The following SVOP variants were observed in gnomAD, a reference collection of about 807,000 sequenced individuals.
SVOP encodes the protein SV2 related protein.
Under a neutral mutation model 69.1 loss-of-function variants are expected in SVOP, and 17 were observed. That is an observed-to-expected ratio of 0.25 (90% CI 0.17 to 0.37). SVOP has a LOEUF of 0.37. Among genes scored for constraint, SVOP ranks in the 10% least tolerant of loss-of-function variants. The pLI is 1.00. For synonymous variants in SVOP, 238 were observed against 238.6 expected (o/e 1.00, Z 0.02); for missense variants, 435 against 597.5 (o/e 0.73, Z 2.84).
Position 108,971,591 on chromosome 12 carries a change from C to T in SVOP, c.453+814G>A, listed in dbSNP as rs141092283. On this transcript the variant is annotated intron_variant, in intron 5 of 15. Transcript: ENST00000610966. ...ATCCATTTCATATCATGTCTGAGCT[C>T]TCCCAAAAGCTGGCTCTAAGATAAG... Among the ~76,000 whole-genome samples the T allele has an allele frequency of 1.1e-3, 160 of 152,216 alleles. 1 individual carries two copies. Among genetic ancestry groups the T allele is most frequent in the African/African-American group, 3.5e-3 (146 of 41,522 alleles).
chr12:108,914,554 C>A (rs1283715883), intron 15 of SVOP, among the ~76,000 whole-genome samples: 1 of 152,038 alleles, frequency 6.6e-6, no homozygotes, highest in Non-Finnish European at 1.5e-5. Context: ...ATTTTGTCGG[C>A]ATACTTGTTT....
At chr12:108,962,392 C>T (rs2040022840) in intron 5 of SVOP, among the ~76,000 whole-genome samples, 2 of 152,162 alleles carry the variant, frequency 1.3e-5, no homozygotes, top group South Asian at 4.1e-4. Flanking sequence ...AGCCAACACG[C>T]CTGGCTGATT....
At chr12:108,957,671 A>G (rs1465955544) in intron 6 of SVOP, among the ~76,000 whole-genome samples, 1 of 152,202 alleles carries the variant, frequency 6.6e-6, no homozygotes, top group African/African-American at 2.4e-5. Context: ...TCTCCTGCTC[A>G]ATTTTGGTGT....
At chr12:108,945,829 CA>C (rs1298250132) in intron 6 of SVOP, among the ~76,000 whole-genome samples, 1 of 152,194 alleles carries the variant, frequency 6.6e-6, no homozygotes, top group Non-Finnish European at 1.5e-5. Flanking sequence ...CACACAATGT[CA>C]ATCTGTCCCA....
intron 1 of SVOP, among the ~76,000 whole-genome samples, chr12:109,001,593 A>G (rs1437911571): frequency 1.6e-3 from 228 of 142,298 alleles, no homozygotes; most frequent in Middle Eastern, 7.2e-3. Context: ...ACAGCATGGT[A>G]CTGGTACCAA....
At chr12:109,012,773 T>TA (rs2040349319) in intron 1 of SVOP, among the ~76,000 whole-genome samples, 1 of 151,914 alleles carries the variant, frequency 6.6e-6, no homozygotes, top group South Asian at 2.1e-4. Flanking sequence ...ACCAAAAATA[T>TA]AAAAAATGAG....
chr12:108,948,118 G>C (rs1015156704), intron 6 of SVOP, among the ~76,000 whole-genome samples: 3 of 151,992 alleles, frequency 2.0e-5, no homozygotes, highest in African/African-American at 7.2e-5. Flanking sequence ...CCTGGCATTG[G>C]GGGAGGGGTG....
chr12:108,933,934 C>CT (rs1270142587), intron 11 of SVOP, among the ~76,000 whole-genome samples: 1 of 152,188 alleles, frequency 6.6e-6, no homozygotes, highest in African/African-American at 2.4e-5. Flanking sequence ...AAAATTACCT[C>CT]TGTTTTTCTT....
chr12:109,020,934 T>C lies in SVOP; in HGVS notation c.-66A>G. 2.9e-6 allele frequency: 2 copies of C among 700,064 alleles called. No homozygotes were observed. The highest frequency in any genetic ancestry group is 2.8e-5 in the East Asian group (1 of 35,812). The allele number at this position is 700,064 out of a possible 1,614,324, so 43.4% of individuals were successfully genotyped here. A position where few individuals can be genotyped will look rare whatever the true frequency, so the allele number is the denominator to read the frequency against. On this transcript the variant is annotated 5_prime_UTR_variant, in exon 1 of 16. Transcript: ENST00000610966. ...CATGGTAGTGGTGGATGACGAGCCC[T>C]CCGGTTTTCAGCACCGGGAAGCTGG...
At chr12:108,917,834 G>A (rs1434438187) in intron 14 of SVOP, among the ~76,000 whole-genome samples, 1 of 151,876 alleles carries the variant, frequency 6.6e-6, no homozygotes, top group Non-Finnish European at 1.5e-5. Flanking sequence ...TTTTTAGAGA[G>A]AGGGTCTTGC....
intron 1 of SVOP, among the ~76,000 whole-genome samples, chr12:109,006,043 GTTGTT>G (rs5800841): frequency 0.04 from 6,149 of 152,010 alleles, 703 homozygotes; most frequent in Admixed American, 0.24. Flanking sequence ...AGGAAAGTGG[GTTGTT>G]TTGTTTTGTT....
chr12:109,011,785 A>G (rs760372379), intron 1 of SVOP, among the ~76,000 whole-genome samples: 1 of 152,224 alleles, frequency 6.6e-6, no homozygotes, highest in Non-Finnish European at 1.5e-5. Context: ...AGAGAAGGAA[A>G]TCCACTCATT....
chr12:108,987,431 CTGCTTTCACTTATTTTAG>C (rs1166443681), intron 1 of SVOP, among the ~76,000 whole-genome samples: 1 of 152,114 alleles, frequency 6.6e-6, no homozygotes, highest in Non-Finnish European at 1.5e-5. Context: ...ATTTGAGTTC[CTGCTTTCACTTATTTTAG>C]ATATAGACCC....
chr12:109,018,904 T>C (rs2040382245), intron 1 of SVOP, among the ~76,000 whole-genome samples: 1 of 152,230 alleles, frequency 6.6e-6, no homozygotes, highest in Admixed American at 6.5e-5. Flanking sequence ...CCTTATGAAT[T>C]AAGTACTGTT....
intron 11 of SVOP, among the ~76,000 whole-genome samples, chr12:108,929,628 A>G (rs1181864433): frequency 6.6e-6 from 1 of 152,122 alleles, no homozygotes; most frequent in Non-Finnish European, 1.5e-5. Flanking sequence ...AGTCGGTTTA[A>G]CCAGAAACCA....
chr12:109,015,380 C>A (rs1040898700), intron 1 of SVOP, among the ~76,000 whole-genome samples: 1 of 152,064 alleles, frequency 6.6e-6, no homozygotes, highest in Non-Finnish European at 1.5e-5. Flanking sequence ...AGGGCAGGAG[C>A]GGGAAAACCA....
At chr12:108,977,546 G>T in intron 3 of SVOP, 50 bp from the exon 4 acceptor site, 1 of 1,332,220 alleles carries the variant, frequency 7.5e-7, no homozygotes. Context: ...CTTGGTGCTG[G>T]GGAAGGCTGG....
intron 6 of SVOP, among the ~76,000 whole-genome samples, chr12:108,949,898 C>G (rs1450429186): frequency 6.6e-6 from 1 of 152,132 alleles, no homozygotes; most frequent in Admixed American, 6.6e-5. Context: ...TTTAAACTTC[C>G]CGGGAGTAGC....
At chr12:108,921,970 A>T (rs2137391049) in intron 12 of SVOP, among the ~76,000 whole-genome samples, 1 of 152,346 alleles carries the variant, frequency 6.6e-6, no homozygotes, top group South Asian at 2.1e-4. Context: ...TCTTAAAAGA[A>T]AAAAAGATAG....
Sources: allele counts gnomAD v4.1 joint callset (sites outside exome capture counted in the v4.1 genomes callset), GRCh38; gene constraint gnomAD v4.1.1; transcripts MANE v1.5; gene names NCBI Gene and HGNC (gene_info 2026-07-23, HGNC 2026-07-21).